Variants in FAT4 observed in about 807,000 individuals in gnomAD.
The protein encoded by FAT4 is FAT atypical cadherin 4, also known as protocadherin Fat 4.
FAT4 carries 84 observed loss-of-function variants against 303.9 expected under a neutral mutation model. The observed-to-expected ratio is 0.28, with a 90% CI of 0.23 to 0.33. The LOEUF (loss-of-function observed/expected upper bound fraction) is 0.33, where lower values mean the gene tolerates loss of function less well. FAT4 is among the 10% of genes least tolerant of loss of function. FAT4 has a pLI of 1.00. For synonymous variants in FAT4, 2,307 were observed against 2,298.8 expected (o/e 1.00, Z -0.10); for missense variants, 6,005 against 6,146.8 (o/e 0.98, Z 0.77).
chr4:125,478,433 A>G (rs1727108243), intron 14 of FAT4, among the ~76,000 whole-genome samples: 1 of 152,064 alleles, frequency 6.6e-6, no homozygotes, highest in Non-Finnish European at 1.5e-5. Context: ...TTTTGTGAAC[A>G]TCTTTTTAGG....
At chr4:125,385,451 T>C (rs541439051) in intron 2 of FAT4, among the ~76,000 whole-genome samples, 1 of 152,328 alleles carries the variant, frequency 6.6e-6, no homozygotes, top group Non-Finnish European at 1.5e-5. Context: ...TTATTTTATC[T>C]TGGAAAAAGC....
chr4:125,453,694 G>C lies in FAT4; in HGVS notation c.11800+884G>C, dbSNP rs187158039. The stretch of plus-strand genomic sequence containing the variant: ...GCACTCCAGCCTGGCAACAGAGCAA[G>C]ACTCTGTCTTAAAAAAAAAAAAAAA... On this transcript the variant is annotated intron_variant, in intron 10 of 17. Coordinates refer to ENST00000394329, the MANE Select transcript of FAT4 (RefSeq NM_001291303.3). Among the ~76,000 whole-genome samples the C allele has an allele frequency of 1.4e-3, 184 of 133,320 alleles. 2 individuals are homozygous for C. The highest frequency in any genetic ancestry group is 3.3e-4 in the Non-Finnish European group (21 of 63,884). 87.5% of individuals were successfully genotyped at this position (133,320 alleles called of 152,430 possible). A position where few individuals can be genotyped will look rare whatever the true frequency, so the allele number is the denominator to read the frequency against.
chr4:125,478,267 G>A (rs557299527), intron 14 of FAT4, among the ~76,000 whole-genome samples: 8 of 152,140 alleles, frequency 5.3e-5, no homozygotes, highest in African/African-American at 1.9e-4. Flanking sequence ...TTGTTACAAA[G>A]TCACACTAGT....
chr4:125,417,540 T>C (rs970992347), intron 7 of FAT4, among the ~76,000 whole-genome samples: 1 of 152,152 alleles, frequency 6.6e-6, no homozygotes, highest in African/African-American at 2.4e-5. Flanking sequence ...ATAAGAAATA[T>C]GCAGATCAGA....
intron 8 of FAT4, 24 bp downstream of exon 8, chr4:125,434,449 G>A (rs772429646): frequency 1.2e-6 from 2 of 1,608,688 alleles, no homozygotes; most frequent in South Asian, 2.2e-5. Context: ...CCTTTGTAAA[G>A]TTTGTCTGTT....
intron 2 of FAT4, among the ~76,000 whole-genome samples, chr4:125,332,159 C>CTTTTTTT (rs199702900): frequency 5.3e-5 from 7 of 133,270 alleles, no homozygotes; most frequent in African/African-American, 8.3e-5. Flanking sequence ...CCGTTCCATT[C>CTTTTTTT]TTTTTTTTTT....
chr4:125,383,069 G>A (rs981056004), intron 2 of FAT4, among the ~76,000 whole-genome samples: 1 of 152,080 alleles, frequency 6.6e-6, no homozygotes, highest in Non-Finnish European at 1.5e-5. Flanking sequence ...CAGCAATAAG[G>A]CTGTTTTGTT....
chr4:125,360,801 A>G (rs991204778), intron 2 of FAT4, among the ~76,000 whole-genome samples: 1 of 151,866 alleles, frequency 6.6e-6, no homozygotes, highest in Non-Finnish European at 1.5e-5. Context: ...TACTTCATTA[A>G]AAGTTTAGTT....
intron 2 of FAT4, among the ~76,000 whole-genome samples, chr4:125,340,690 A>G (rs1187997107): frequency 2.0e-5 from 3 of 152,220 alleles, no homozygotes; most frequent in African/African-American, 7.2e-5. Flanking sequence ...AAAGTTTTCC[A>G]GTTTCACTAG....
chr4:125,337,658 A>T (rs149050069), intron 2 of FAT4, among the ~76,000 whole-genome samples: 1 of 152,096 alleles, frequency 6.6e-6, no homozygotes, highest in Admixed American at 6.5e-5. Context: ...CACTTATGTA[A>T]ACACAGCCAG....
rs116805434 is a variant in FAT4 at position 125,409,054 on chromosome 4, G to A, written c.5920+260G>A. ...TATTTTTCCCCCTAAATGTAGGGTC[G>A]TGTTTCAATTTAGCAATGTAGAAGT... is the stretch of plus-strand genomic sequence containing the variant. On this transcript the variant is annotated intron_variant, in intron 5 of 17. Transcript: ENST00000394329. 3.6e-3 allele frequency among the ~76,000 whole-genome samples: 548 copies of A among 151,960 alleles called. 4 individuals carry two copies. Among genetic ancestry groups the A allele is most frequent in the African/African-American group, 0.013 (531 of 41,440 alleles).
At chr4:125,368,541 A>ATATATAT (rs11391728) in intron 2 of FAT4, among the ~76,000 whole-genome samples, 1 of 141,234 alleles carries the variant, frequency 7.1e-6, no homozygotes, top group East Asian at 2.0e-4. Flanking sequence ...TATATATATA[A>ATATATAT]AAATCATATT....
rs754276771 is a variant in FAT4, at chr4:125,448,644, G to A, written c.7634G>A (p.Gly2545Asp). The change falls in exon 10 of 18, where the codon GGT (glycine) becomes GAT (aspartate). Residue 2545 changes from glycine to aspartate, a missense_variant. Transcript: ENST00000394329. ...EVTFSVHVKD[G>D]GSFPKTDSTT... ...ACATTTTCTGTGCATGTAAAAGATG[G>A]TGGCTCATTTCCAAAGACAGATTCT... The A allele has an allele frequency of 2.5e-6, 4 of 1,613,918 alleles. No individual in the cohort carries two copies. Among genetic ancestry groups the A allele is most frequent in the Admixed American group, 1.7e-5 (1 of 59,986 alleles).
chr4:125,443,398 T>C lies in FAT4; in HGVS notation c.7200-2895T>C, dbSNP rs77889262. 3.2e-3 allele frequency among the ~76,000 whole-genome samples: 486 copies of C among 152,294 alleles called. 4 individuals carry two copies. Among genetic ancestry groups the C allele is most frequent in the Admixed American group, 8.5e-3 (130 of 15,280 alleles). On this transcript the variant is annotated intron_variant, in intron 8 of 17. Transcript: ENST00000394329. ...CTTCGCAATTGGTACATTTTCCGTCTTCACTACATTCCCTCAGTTGAGTTT... is the reference window on the plus strand; with the variant it reads ...CTTCGCAATTGGTACATTTTCCGTCCTCACTACATTCCCTCAGTTGAGTTT...
At chr4:125,456,952 T>G (rs1726301675) in intron 10 of FAT4, among the ~76,000 whole-genome samples, 1 of 152,166 alleles carries the variant, frequency 6.6e-6, no homozygotes, top group Admixed American at 6.6e-5. Flanking sequence ...TTTTTGGCCA[T>G]CAGAATTATT....
chr4:125,421,024 G>A (rs188244884), intron 7 of FAT4, among the ~76,000 whole-genome samples: 4 of 152,210 alleles, frequency 2.6e-5, no homozygotes, highest in East Asian at 3.9e-4. Context: ...TTCGCCTCCC[G>A]GGTTCAAACA....
intron 3 of FAT4, among the ~76,000 whole-genome samples, chr4:125,400,667 G>A (rs1048318028): frequency 1.3e-5 from 2 of 150,334 alleles, no homozygotes; most frequent in African/African-American, 2.4e-5. Flanking sequence ...ACCAACACTG[G>A]TTTTTGTGAA....
At chr4:125,458,012 A>G (rs1726344238) in intron 10 of FAT4, among the ~76,000 whole-genome samples, 1 of 151,514 alleles carries the variant, frequency 6.6e-6, no homozygotes, top group African/African-American at 2.4e-5. Flanking sequence ...TAAATCCTTC[A>G]TGGGAATGGA....
At chr4:125,468,889 A>C in intron 12 of FAT4, 70 bp downstream of exon 12, 1 of 1,428,386 alleles carries the variant, frequency 7.0e-7, no homozygotes, top group Non-Finnish European at 9.5e-7. Flanking sequence ...ATTGGGGTGC[A>C]AATCATGTTA....
Sources: allele counts gnomAD v4.1 joint callset (sites outside exome capture counted in the v4.1 genomes callset), GRCh38; gene constraint gnomAD v4.1.1; transcripts MANE v1.5; gene names NCBI Gene and HGNC (gene_info 2026-07-23, HGNC 2026-07-21).